The following DZIP3 variants were observed in gnomAD, a reference collection of about 807,000 sequenced individuals.
The protein encoded by DZIP3 is DAZ interacting zinc finger protein 3.
A neutral mutation model predicts 162.0 loss-of-function variants in DZIP3; 118 were observed. The ratio of observed to expected loss-of-function variants is 0.73; its 90% CI spans 0.63 to 0.85. DZIP3 has a LOEUF of 0.85. Among genes scored for constraint, DZIP3 ranks in the 40% least tolerant of loss-of-function variants. The pLI is 0.00. For missense variants in DZIP3, 1,331 were observed against 1,407.0 expected, an observed-to-expected ratio of 0.95 and a Z score of 0.86; for synonymous variants, 438 against 458.6, an observed-to-expected ratio of 0.96 and a Z score of 0.57.
intron 18 of DZIP3, among the ~76,000 whole-genome samples, chr3:108,651,478 G>A (rs1942863467): frequency 6.6e-6 from 1 of 151,396 alleles, no homozygotes; most frequent in Non-Finnish European, 1.5e-5. Flanking sequence ...TTGTAGTCTA[G>A]ACCAAACCTC....
rs151123541 is a variant in DZIP3, at chr3:108,690,851, CAGA to C, written c.3586_3588del (p.Glu1196del). ...ACGTGCAGACTCCACGTTTTGCTAC[CAGA>C]AGAATTCCCTGGTCACCCCAGCCGG... is the stretch of plus-strand genomic sequence containing the variant. On this transcript the variant is annotated inframe_deletion, in exon 32 of 33. Coordinates refer to ENST00000361582, the MANE Select transcript of DZIP3 (RefSeq NM_014648.4). The C allele has an allele frequency of 3.9e-4, 630 of 1,614,112 alleles. 8 individuals carry two copies. The East Asian group carries it at 0.011, about 28-fold the overall frequency.
At chr3:108,604,485 A>G (rs1576346481) in intron 1 of DZIP3, among the ~76,000 whole-genome samples, 1 of 152,332 alleles carries the variant, frequency 6.6e-6, no homozygotes, top group South Asian at 2.1e-4. Flanking sequence ...GACCTGTTTT[A>G]GAAGAGTTGT....
At chr3:108,692,182 G>C (rs1348458837) in intron 32 of DZIP3, among the ~76,000 whole-genome samples, 1 of 151,898 alleles carries the variant, frequency 6.6e-6, no homozygotes, top group Non-Finnish European at 1.5e-5. Flanking sequence ...AATGTGAATT[G>C]ATTATAATTA....
At chr3:108,630,839 C>G (rs2107590069) in intron 8 of DZIP3, among the ~76,000 whole-genome samples, 1 of 151,956 alleles carries the variant, frequency 6.6e-6, no homozygotes, top group South Asian at 2.1e-4. Flanking sequence ...TTTGTTATCT[C>G]TAACTGAAAT....
intron 8 of DZIP3, among the ~76,000 whole-genome samples, chr3:108,631,181 T>A (rs1427251054): frequency 6.6e-6 from 1 of 151,456 alleles, no homozygotes; most frequent in Non-Finnish European, 1.5e-5. Flanking sequence ...ACCTTTCTTG[T>A]ATGTGGAATC....
chr3:108,673,621 C>T (rs919517591), intron 23 of DZIP3, among the ~76,000 whole-genome samples: 1 of 151,862 alleles, frequency 6.6e-6, no homozygotes, highest in Non-Finnish European at 1.5e-5. Context: ...CTCCCAAGCC[C>T]GTTTCTGTCT....
intron 21 of DZIP3, among the ~76,000 whole-genome samples, chr3:108,663,609 G>C (rs1288226431): frequency 6.7e-6 from 1 of 150,294 alleles, no homozygotes; most frequent in Non-Finnish European, 1.5e-5. Flanking sequence ...TCATCTTTTA[G>C]CCTAAAGGGG....
intron 32 of DZIP3, among the ~76,000 whole-genome samples, chr3:108,692,318 A>C (rs1269770744): frequency 6.6e-6 from 1 of 152,146 alleles, no homozygotes; most frequent in Non-Finnish European, 1.5e-5. Context: ...GGCAGTACTC[A>C]ATCCTACTTT....
At chr3:108,639,932 C>G (rs1028417876) in intron 12 of DZIP3, among the ~76,000 whole-genome samples, 1 of 151,278 alleles carries the variant, frequency 6.6e-6, no homozygotes, top group Non-Finnish European at 1.5e-5. Context: ...CTTTAGCTGC[C>G]CCATATGTTT....
At chr3:108,687,892 A>G in intron 28 of DZIP3, 84 bp from the exon 29 acceptor site, 1 of 1,568,436 alleles carries the variant, frequency 6.4e-7, no homozygotes, top group South Asian at 1.1e-5. Flanking sequence ...ATGCGATAGG[A>G]TTTTATATCT....
At chr3:108,669,644 T>A in intron 21 of DZIP3, 37 bp from the exon 22 acceptor site, 1 of 1,588,360 alleles carries the variant, frequency 6.3e-7, no homozygotes, top group Non-Finnish European at 8.6e-7. Flanking sequence ...GAGAAATAAT[T>A]TCTAACATCT....
intron 7 of DZIP3, among the ~76,000 whole-genome samples, chr3:108,627,488 C>A (rs1941638808): frequency 6.6e-6 from 1 of 152,184 alleles, no homozygotes; most frequent in East Asian, 1.9e-4. Flanking sequence ...TAAGTCAATT[C>A]TAACCTTCTC....
chr3:108,610,783 T>C (rs1940660238), intron 3 of DZIP3, among the ~76,000 whole-genome samples: 3 of 152,220 alleles, frequency 2.0e-5, no homozygotes, highest in South Asian at 2.1e-4. Context: ...TAAGAATAAA[T>C]TCCTGAAGAT....
chr3:108,602,961 C>T (rs951948842), intron 1 of DZIP3: 3 of 152,168 alleles, frequency 2.0e-5, no homozygotes, highest in Non-Finnish European at 2.9e-5. Context: ...TCTGTTAATT[C>T]GGGATCCAAG....
At chr3:108,621,510 G>A (rs1941341485) in intron 5 of DZIP3, among the ~76,000 whole-genome samples, 1 of 152,152 alleles carries the variant, frequency 6.6e-6, no homozygotes, top group Non-Finnish European at 1.5e-5. Context: ...CATTTCAACA[G>A]ATGCTGAAAA....
intron 19 of DZIP3, among the ~76,000 whole-genome samples, chr3:108,660,513 T>G (rs1374504014): frequency 6.6e-6 from 1 of 151,968 alleles, no homozygotes; most frequent in Non-Finnish European, 1.5e-5. Context: ...ACTTAAATGT[T>G]AGACCTAAAA....
At chr3:108,667,758 C>G (rs1218690964) in intron 21 of DZIP3, among the ~76,000 whole-genome samples, 1 of 152,016 alleles carries the variant, frequency 6.6e-6, no homozygotes. Flanking sequence ...GAAAAACTGT[C>G]AAACAAGAGT....
In DZIP3 at chr3:108,633,088, A is replaced by G. The variant is rs1395115374; in HGVS notation, c.816+16A>G. On this transcript the variant is annotated intron_variant, in intron 9 of 32. Transcript: ENST00000361582. ...CAGTTATAAGGTACTGTAATTGTCA[A>G]TTAACAGTATTTTTAAAAAGTAATT... 1 of 1,324,074 alleles carries G rather than the reference A, an allele frequency of 7.6e-7. No individual in the cohort carries two copies. 82.0% of individuals were successfully genotyped at this position (1,324,074 alleles called of 1,614,324 possible).
Position 108,636,651 on chromosome 3 carries a change from T to C in DZIP3, c.954T>C (p.Cys318=). The C allele has an allele frequency of 6.3e-7, 1 of 1,582,166 alleles. No individual in the cohort carries two copies. Among genetic ancestry groups the C allele is most frequent in the East Asian group, 2.3e-5 (1 of 43,146 alleles). The stretch of plus-strand genomic sequence containing the variant: ...GGAAAAAATGTTTGAAGGAAGGATG[T>C]ACAGGTGACATGGTAAGGATGCTGC... ...FSGKKCLKEG[C]TGDMVRMLQC... The change falls in exon 11 of 33, where the codon TGT becomes TGC. Residue 318 remains cysteine (C), a synonymous_variant. Coordinates refer to ENST00000361582, the MANE Select transcript of DZIP3 (RefSeq NM_014648.4).
Sources: allele counts gnomAD v4.1 joint callset (sites outside exome capture counted in the v4.1 genomes callset), GRCh38; gene constraint gnomAD v4.1.1; transcripts MANE v1.5; gene names NCBI Gene and HGNC (gene_info 2026-07-23, HGNC 2026-07-21).